Variants in SFSWAP observed in about 807,000 individuals in gnomAD.
SFSWAP encodes splicing factor SWAP.
A neutral mutation model predicts 100.7 loss-of-function variants in SFSWAP; 17 were observed. The observed-to-expected ratio is 0.17, with a 90% CI of 0.12 to 0.25. SFSWAP has a LOEUF of 0.25. SFSWAP is among the 10% of genes least tolerant of loss of function. The pLI is 1.00. For missense variants in SFSWAP, 1,005 were observed against 1,262.6 expected, an observed-to-expected ratio of 0.80 and a Z score of 3.09; for synonymous variants, 504 against 510.1, an observed-to-expected ratio of 0.99 and a Z score of 0.16.
At chr12:131,783,963 T>G (rs1023158858) in intron 14 of SFSWAP, 7 of 151,598 alleles carry the variant, frequency 4.6e-5, no homozygotes, top group African/African-American at 1.7e-4. Flanking sequence ...TTGAAAGTTG[T>G]GGCTCCTCAC....
chr12:131,732,640 C>T (rs1374369914), intron 7 of SFSWAP, among the ~76,000 whole-genome samples: 2 of 152,184 alleles, frequency 1.3e-5, no homozygotes, highest in Non-Finnish European at 2.9e-5. Context: ...AGTGTGTTCA[C>T]GGAAGTGTTG....
At chr12:131,795,341 A>G (rs1885550741) in intron 15 of SFSWAP, among the ~76,000 whole-genome samples, 1 of 152,202 alleles carries the variant, frequency 6.6e-6, no homozygotes, top group Admixed American at 6.5e-5. Context: ...ACTGGCACCA[A>G]CACAGTCTGC....
Position 131,730,886 on chromosome 12 carries a change from G to A in SFSWAP, c.1081+2458G>A, listed in dbSNP as rs1473239656. Among the ~76,000 whole-genome samples, 1 of 152,218 alleles carries A rather than the reference G, an allele frequency of 6.6e-6. No homozygotes were observed. Among genetic ancestry groups the A allele is most frequent in the Admixed American group, 6.5e-5 (1 of 15,290 alleles). On this transcript the variant is annotated intron_variant, in intron 7 of 17. Transcript: ENST00000261674. This position sits in a 1 kb window ranked among gnomAD's most constrained non-coding sequence, Gnocchi z 4.0. ...GTCTCCCCTCGACACAGCAAGAGTA[G>A]TGGATACACACATGTGAGAGTAAGG...
intron 7 of SFSWAP, among the ~76,000 whole-genome samples, chr12:131,738,882 A>ATTTTTTTTTTT (rs1555243205): frequency 1.1e-3 from 44 of 40,184 alleles, no homozygotes; most frequent in Non-Finnish European, 2.8e-3. Context: ...AATGAACATT[A>ATTTTTTTTTTT]TTCTTTTTTT....
intron 13 of SFSWAP, 60 bp downstream of exon 13, chr12:131,766,368 A>T: frequency 6.8e-7 from 1 of 1,475,974 alleles, no homozygotes; most frequent in South Asian, 1.2e-5. Context: ...GGCAGGGAGG[A>T]TGTGTCTCCC....
intron 7 of SFSWAP, among the ~76,000 whole-genome samples, chr12:131,732,956 A>C (rs1004802909): frequency 1.3e-5 from 2 of 152,180 alleles, no homozygotes; most frequent in Non-Finnish European, 2.9e-5. Flanking sequence ...GGGCGGGGCT[A>C]GTGTCCTTGG....
chr12:131,727,713 C>G (rs1233663021), intron 6 of SFSWAP, among the ~76,000 whole-genome samples: 1 of 152,166 alleles, frequency 6.6e-6, no homozygotes, highest in Non-Finnish European at 1.5e-5. Context: ...ATATATGCAT[C>G]TTCGAGTCCT....
chr12:131,779,208 T>TGTGTATGAAGAGGGCGGCGCGGGTGAGG lies in SFSWAP; in HGVS notation c.2408+882_2408+883insATGAAGAGGGCGGCGCGGGTGAGGGTGT, dbSNP rs71072791. 3.1e-5 allele frequency among the ~76,000 whole-genome samples: 2 copies of TGTGTATGAAGAGGGCGGCGCGGGTGAGG among 63,966 alleles called. 1 individual carries two copies. The highest frequency in any genetic ancestry group is 7.5e-5 in the Non-Finnish European group (2 of 26,518). 42.0% of individuals were successfully genotyped at this position (63,966 alleles called of 152,430 possible). A position where few individuals can be genotyped will look rare whatever the true frequency, so the allele number is the denominator to read the frequency against. On this transcript the variant is annotated intron_variant, in intron 14 of 17. Coordinates refer to ENST00000261674, the MANE Select transcript of SFSWAP (RefSeq NM_004592.4). ...GTGTGAAGAGGGCAGCGCGGATGAG[T>TGTGTATGAAGAGGGCGGCGCGGGTGAGG]GTGTGTGAAGAGGGCGGCGCGGGTG...
chr12:131,731,933 G>A (rs1364735206), intron 7 of SFSWAP, among the ~76,000 whole-genome samples: 4 of 106,942 alleles, frequency 3.7e-5, no homozygotes, highest in Admixed American at 1.3e-4. Flanking sequence ...TTTTTGAGAC[G>A]GAGTCTCTCT....
chr12:131,751,384 G>A (rs939361793), intron 7 of SFSWAP, among the ~76,000 whole-genome samples: 1 of 152,248 alleles, frequency 6.6e-6, no homozygotes, highest in Non-Finnish European at 1.5e-5. Context: ...TCCAGAGCAG[G>A]ACATGGGGTT....
chr12:131,718,220 C>T (rs923327285), intron 3 of SFSWAP, among the ~76,000 whole-genome samples: 3 of 152,140 alleles, frequency 2.0e-5, no homozygotes, highest in Admixed American at 6.5e-5. Flanking sequence ...TTTGGTTTCA[C>T]GGAATGAGGT....
chr12:131,764,588 G>A lies in SFSWAP; in HGVS notation c.1853G>A (p.Ser618Asn), dbSNP rs773218273. ...EESKEGQESS[S>N]SAANTNPAVA... ...AGCAAAGAAGGCCAAGAAAGTTCTA[G>A]TAGTGCTGCAAACACTAACCCAGCA... The change falls in exon 12 of 18, where the codon AGT becomes AAT. Residue 618 changes from serine (S) to asparagine (N), a missense_variant. Ser to Asn is a conservative substitution (Grantham distance 46, BLOSUM62 1). Transcript: ENST00000261674. 3 of 1,614,130 alleles carry A rather than the reference G, an allele frequency of 1.9e-6. No homozygotes were observed. The Admixed American group carries it at 5.0e-5, about 27-fold the overall frequency.
At chr12:131,776,543 A>G (rs1884039314) in intron 13 of SFSWAP, among the ~76,000 whole-genome samples, 1 of 152,246 alleles carries the variant, frequency 6.6e-6, no homozygotes, top group African/African-American at 2.4e-5. Context: ...AATCGTTTCT[A>G]CAGTGTTTTC....
intron 11 of SFSWAP, among the ~76,000 whole-genome samples, chr12:131,761,682 C>T (rs978627255): frequency 5.3e-5 from 8 of 152,160 alleles, no homozygotes; most frequent in African/African-American, 1.7e-4. Context: ...TTTCCATGTG[C>T]TGTGACGTGA....
chr12:131,728,270 G>A, intron 6 of SFSWAP, 23 bp from the exon 7 acceptor site: 2 of 1,613,956 alleles, frequency 1.2e-6, no homozygotes, highest in South Asian at 1.1e-5. Context: ...TGAATGCTAA[G>A]GCTGTGTCTT....
chr12:131,745,144 T>C (rs555160714), intron 7 of SFSWAP, among the ~76,000 whole-genome samples: 2 of 152,320 alleles, frequency 1.3e-5, no homozygotes, highest in East Asian at 3.9e-4. Flanking sequence ...AATAAATGCT[T>C]TTAAGTATTT....
chr12:131,752,998 A>G (rs1881792903), intron 7 of SFSWAP, 125 bp from the exon 8 acceptor site: 3 of 1,382,362 alleles, frequency 2.2e-6, no homozygotes, highest in South Asian at 1.4e-5. Context: ...AGAAAACAGC[A>G]TGGTTGGAAG....
At position 131,714,253 on chromosome 12, in the gene SFSWAP, A is replaced by G; in HGVS notation, c.388+13A>G. On this transcript the variant is annotated intron_variant, in intron 2 of 17. Transcript: ENST00000261674. This position sits in a 1 kb window ranked among gnomAD's most constrained non-coding sequence, Gnocchi z 6.0. ...GAGGCAAGGCAAGGTACTGCTCAAG[A>G]CAAACTTACTTCAGCAACAAACTTT... The G allele has an allele frequency of 6.3e-7, 1 of 1,582,682 alleles. No homozygotes were observed. Among genetic ancestry groups the G allele is most frequent in the Non-Finnish European group, 8.6e-7 (1 of 1,164,552 alleles).
chr12:131,752,522 C>T (rs1201648687), intron 7 of SFSWAP, among the ~76,000 whole-genome samples: 2 of 152,254 alleles, frequency 1.3e-5, no homozygotes, highest in South Asian at 2.1e-4. Context: ...GACACAGCCT[C>T]AGTGCCCCTG....
Sources: gnomAD v4.1 joint callset for allele counts (sites outside exome capture counted in the v4.1 genomes callset) on GRCh38, gnomAD v4.1.1 for gene constraint, Gnocchi (gnomAD v3.1) non-coding constraint, MANE v1.5 for transcripts, NCBI Gene and HGNC (gene_info 2026-07-23, HGNC 2026-07-21) for gene names.